GTF2H1: variants seen among roughly 807,000 people sequenced by gnomAD.
The protein encoded by GTF2H1 is general transcription factor IIH subunit 1, also known as BTF2 p62.
A neutral mutation model predicts 71.2 loss-of-function variants in GTF2H1; 16 were observed. That is an observed-to-expected ratio of 0.22 (90% CI 0.15 to 0.34). The LOEUF (loss-of-function observed/expected upper bound fraction) is 0.34, where lower values mean the gene tolerates loss of function less well. Among genes scored for constraint, GTF2H1 ranks in the 10% least tolerant of loss-of-function variants. The pLI is 1.00. For missense variants in GTF2H1, 498 were observed against 648.2 expected (o/e 0.77, Z 2.52); for synonymous variants, 215 against 219.0 (o/e 0.98, Z 0.16).
In GTF2H1 at chr11:18,347,681, A is replaced by G. The variant is rs1717898966; in HGVS notation, c.931A>G (p.Ser311Gly). 1 of 1,613,402 alleles carries G rather than the reference A, an allele frequency of 6.2e-7. No homozygotes were observed. The highest frequency in any genetic ancestry group is 8.5e-7 in the Non-Finnish European group (1 of 1,179,404). Residue 311 changes from serine to glycine, a missense_variant, in exon 8 of 15, where the codon AGT becomes GGT. Ser to Gly is a moderately conservative substitution (Grantham distance 56). Transcript: ENST00000265963. ...CATCATCAAGAGATTTAACCATCAC[A>G]GTGCCATGGTCCTGGCAGCTGGACT... ...AAIIKRFNHH[S>G]AMVLAAGLRK... is the part of the protein sequence containing the mutation.
chr11:18,322,908 G>A (rs1445417880), intron 1 of GTF2H1, among the ~76,000 whole-genome samples, 168 bp downstream of exon 1: 2 of 152,172 alleles, frequency 1.3e-5, no homozygotes, highest in Non-Finnish European at 2.9e-5. Context: ...CCCGAGGCGA[G>A]GAAGAGGCGA....
At chr11:18,352,926 T>C (rs146704741) in intron 11 of GTF2H1, among the ~76,000 whole-genome samples, 21 of 152,386 alleles carry the variant, frequency 1.4e-4, no homozygotes, top group African/African-American at 4.8e-4. Flanking sequence ...AAGTTGTCTT[T>C]CTAAAATCAC....
At chr11:18,342,488 C>G (rs1865184491) in intron 7 of GTF2H1, among the ~76,000 whole-genome samples, 1 of 152,030 alleles carries the variant, frequency 6.6e-6, no homozygotes, top group Admixed American at 6.6e-5. Context: ...TCTCAAACTC[C>G]TTACCTCAGG....
chr11:18,327,502 A>G (rs1029429792), intron 1 of GTF2H1, among the ~76,000 whole-genome samples: 6 of 152,208 alleles, frequency 3.9e-5, no homozygotes, highest in Non-Finnish European at 8.8e-5. Flanking sequence ...CTTATCTACA[A>G]AATGTAACTA....
intron 13 of GTF2H1, 83 bp downstream of exon 13, chr11:18,358,723 T>C (rs2133988723): frequency 3.7e-6 from 3 of 801,888 alleles, no homozygotes; most frequent in South Asian, 2.9e-5. Flanking sequence ...TTATTGAGTC[T>C]TACCATGTGA....
intron 11 of GTF2H1, among the ~76,000 whole-genome samples, chr11:18,356,506 A>G (rs1865550598): frequency 6.6e-6 from 1 of 152,174 alleles, no homozygotes; most frequent in African/African-American, 2.4e-5. Flanking sequence ...TTATTTGACC[A>G]ATTCTTTCAA....
chr11:18,362,213 G>C (rs1365925490), intron 14 of GTF2H1, among the ~76,000 whole-genome samples: 6 of 152,090 alleles, frequency 3.9e-5, no homozygotes, highest in Non-Finnish European at 8.8e-5. Flanking sequence ...ACAATGGTAT[G>C]TGTGTATCTA....
intron 7 of GTF2H1, among the ~76,000 whole-genome samples, chr11:18,346,187 A>G (rs147866763): frequency 3.3e-5 from 5 of 152,314 alleles, no homozygotes; most frequent in African/African-American, 1.2e-4. Context: ...TCATGACACA[A>G]TATGTACTAC....
At chr11:18,360,207 C>G (rs771347482) in intron 13 of GTF2H1, among the ~76,000 whole-genome samples, 1 of 138,330 alleles carries the variant, frequency 7.2e-6, no homozygotes, top group Non-Finnish European at 1.7e-5. Context: ...ACTGCAGCCT[C>G]CACCTCCTGG....
chr11:18,326,338 A>T (rs1366447350), intron 1 of GTF2H1, among the ~76,000 whole-genome samples: 1 of 152,182 alleles, frequency 6.6e-6, no homozygotes, highest in Non-Finnish European at 1.5e-5. Flanking sequence ...CCTGGCCAAC[A>T]TGGCGAAACC....
chr11:18,351,998 G>A (rs913918899), intron 10 of GTF2H1, 29 bp downstream of exon 10: 12 of 1,133,774 alleles, frequency 1.1e-5, no homozygotes, highest in Non-Finnish European at 1.3e-5. Flanking sequence ...AAGCAGAATA[G>A]CTATGTAACA....
chr11:18,329,039 TA>T (rs1456278973), intron 1 of GTF2H1, among the ~76,000 whole-genome samples: 1 of 152,150 alleles, frequency 6.6e-6, no homozygotes, highest in African/African-American at 2.4e-5. Flanking sequence ...AATGGGATTG[TA>T]AGAAAACAAA....
Position 18,347,612 on chromosome 11 carries a change from TCTG to T in GTF2H1, c.865_867del (p.Ala289del). On this transcript the variant is annotated inframe_deletion, in exon 8 of 15. Transcript: ENST00000265963. The stretch of plus-strand genomic sequence containing the variant: ...GGGCTATGGCATTTCCTCTGTGCCA[TCTG>T]CTTCCAATTCTAAATCCATAAAAGA... The T allele has an allele frequency of 6.2e-7, 1 of 1,611,502 alleles. No homozygotes were observed. Among genetic ancestry groups the T allele is most frequent in the Non-Finnish European group, 8.5e-7 (1 of 1,177,884 alleles).
Position 18,338,292 on chromosome 11 carries a change from A to G in GTF2H1, c.513+18A>G. On this transcript the variant is annotated intron_variant, in intron 4 of 14. Transcript: ENST00000265963. ...CATTTCTGGTATGTGAGCCTTCTAG[A>G]TTTCTGAAGAAAATAAAAATTCAAA... The G allele has an allele frequency of 6.4e-7, 1 of 1,564,136 alleles. No homozygotes were observed.
chr11:18,364,214 A>G (rs1320552599), intron 14 of GTF2H1, among the ~76,000 whole-genome samples: 2 of 152,194 alleles, frequency 1.3e-5, no homozygotes, highest in Non-Finnish European at 1.5e-5. Context: ...AGAGCTAAAT[A>G]TTACTATCCC....
At chr11:18,331,705 G>GT (rs57415073) in intron 1 of GTF2H1, among the ~76,000 whole-genome samples, 2,092 of 146,792 alleles carry the variant, frequency 0.014, 17 homozygotes, top group Non-Finnish European at 0.017. Flanking sequence ...TTTTTTGGGG[G>GT]TTTTTTTTTT....
rs898266899 is a variant in GTF2H1 at position 18,335,758 on chromosome 11, G to C, written c.159G>C (p.Gln53His). 2 of 1,612,784 alleles carry C rather than the reference G, an allele frequency of 1.2e-6. No homozygotes were observed. Among genetic ancestry groups the C allele is most frequent in the African/African-American group, 2.7e-5 (2 of 74,890 alleles). The change falls in exon 3 of 15, where the codon CAG (glutamine) becomes CAC (histidine). Residue 53 changes from glutamine (Q) to histidine (H), a missense_variant. Around this residue, in one of 3 missense-constraint regions of GTF2H1, gnomAD observed 216 missense variants for 306.2 expected, o/e 0.71. Coordinates refer to ENST00000265963, the MANE Select transcript of GTF2H1 (RefSeq NM_005316.4). ...ISHMYADIKC[Q>H]KISPEGKAKI... ...TGCCCTCATGCTTCTTTTTAGGCCA[G>C]AAAATTAGTCCAGAAGGAAAAGCTA...
Position 18,365,973 on chromosome 11 carries a change from A to G in GTF2H1, c.*104A>G, listed in dbSNP as rs966769187. The G allele has an allele frequency of 5.4e-6, 4 of 735,392 alleles. No homozygotes were observed. In the Admixed American group the frequency reaches 6.5e-5, roughly 12 times the overall value. The allele number at this position is 735,392 out of a possible 1,614,324, so 45.6% of individuals were successfully genotyped here. On this transcript the variant is annotated 3_prime_UTR_variant, in exon 15 of 15. Transcript: ENST00000265963. Reference sequence around the variant, plus strand: ...ACAAGCAGATGACCTCACAGGAGTGATAAGAAACATCTGCTCCACGCCAAC... The same window carrying G: ...ACAAGCAGATGACCTCACAGGAGTGGTAAGAAACATCTGCTCCACGCCAAC...
intron 11 of GTF2H1, among the ~76,000 whole-genome samples, chr11:18,354,285 T>A (rs1865492548): frequency 1.3e-5 from 2 of 152,248 alleles, no homozygotes. Context: ...TATTAAATTT[T>A]TTCACTTGGT....
Sources: gnomAD v4.1 joint callset for allele counts (sites outside exome capture counted in the v4.1 genomes callset) on GRCh38, gnomAD v4.1.1 for gene constraint, gnomAD v4.1.1 regional missense constraint, MANE v1.5 for transcripts, NCBI Gene and HGNC (gene_info 2026-07-23, HGNC 2026-07-21) for gene names.